Variants in ADHFE1 observed in about 807,000 individuals in gnomAD.
ADHFE1 encodes alcohol dehydrogenase iron containing 1.
ADHFE1 carries 37 observed loss-of-function variants against 54.8 expected under a neutral mutation model. The ratio of observed to expected loss-of-function variants is 0.68; its 90% confidence interval spans 0.52 to 0.89. The LOEUF is 0.89. ADHFE1 is among the 40% of genes least tolerant of loss of function. ADHFE1 has a pLI of 0.00. For synonymous variants in ADHFE1, 203 were observed against 229.3 expected, an observed-to-expected ratio of 0.89 and a Z score of 1.04; for missense variants, 601 against 591.2, an observed-to-expected ratio of 1.02 and a Z score of -0.17.
intron 13 of ADHFE1, among the ~76,000 whole-genome samples, chr8:66,466,042 T>A (rs1046182748): frequency 3.2e-5 from 1 of 31,016 alleles, no homozygotes; most frequent in Non-Finnish European, 5.3e-5. Context: ...GTTTATCTGT[T>A]TTTTTTTTTC....
At chr8:66,438,825 A>T (rs1051336241) in intron 1 of ADHFE1, among the ~76,000 whole-genome samples, 1 of 151,540 alleles carries the variant, frequency 6.6e-6, no homozygotes, top group Non-Finnish European at 1.5e-5. Flanking sequence ...CACAAGTAAG[A>T]AGTAGAAATA....
At position 66,445,412 on chromosome 8, in the gene ADHFE1, C is replaced by G; in HGVS notation, c.548C>G (p.Ala183Gly). 3.1e-6 allele frequency: 5 copies of G among 1,596,612 alleles called. No homozygotes were observed. Among genetic ancestry groups the G allele is most frequent in the Non-Finnish European group, 4.3e-6 (5 of 1,174,800 alleles). ...PVSVPLKPLI[A>G]VPTTSGTGSE... ...TCTGTGCCTCTTAAGCCTCTGATTG[C>G]AGGTAAAGACTGTTTATTTCTTTGT... Residue 183 changes from alanine to glycine, a missense_variant and splice_region_variant, in exon 6 of 14, where the codon GCA (alanine) becomes GGA (glycine). Coordinates refer to ENST00000396623, the MANE Select transcript of ADHFE1 (RefSeq NM_144650.3).
intron 13 of ADHFE1, among the ~76,000 whole-genome samples, chr8:66,464,607 T>A (rs1429603373): frequency 6.6e-6 from 1 of 152,188 alleles, no homozygotes; most frequent in Non-Finnish European, 1.5e-5. Flanking sequence ...AACTTTGTCT[T>A]TACCTCACCC....
intron 7 of ADHFE1, 87 bp from the exon 8 acceptor site, chr8:66,448,778 T>G: frequency 8.6e-7 from 1 of 1,160,298 alleles, no homozygotes; most frequent in South Asian, 1.3e-5. Flanking sequence ...ATTTTTATTT[T>G]TAGGGTGATT....
chr8:66,460,002 A>G (rs549526341), intron 12 of ADHFE1: 54 of 310,286 alleles, frequency 1.7e-4, no homozygotes, highest in African/African-American at 1.1e-3. Context: ...TCAAATATTC[A>G]TTCCTCCATC....
chr8:66,439,593 G>A lies in ADHFE1; in HGVS notation c.60-569G>A. The A allele has an allele frequency of 1.0e-6, 1 of 986,056 alleles. No homozygotes were observed. The highest frequency in any genetic ancestry group is 1.2e-6 in the Non-Finnish European group (1 of 830,416). 61.1% of individuals were successfully genotyped at this position (986,056 alleles called of 1,614,324 possible). On this transcript the variant is annotated intron_variant, in intron 1 of 13. Transcript: ENST00000396623. This position sits in a 1 kb window ranked among gnomAD's most constrained non-coding sequence, Gnocchi z 4.4. ...AGCGGCGCGGCGGGGACGGAGGAGA[G>A]CTCGGAGCCCGGGGCTGCAACTGGG... is the stretch of plus-strand genomic sequence containing the variant.
At chr8:66,445,157 T>C (rs1191167702) in intron 5 of ADHFE1, 61 bp from the exon 6 acceptor site, 2 of 1,461,842 alleles carry the variant, frequency 1.4e-6, no homozygotes, top group East Asian at 2.3e-5. Context: ...CCTTAGTTAA[T>C]GGCATGGCAA....
chr8:66,468,482 T>G lies in ADHFE1; in HGVS notation c.*130T>G. 1.6e-6 allele frequency: 1 copy of G among 634,688 alleles called. No individual in the cohort carries two copies. The highest frequency in any genetic ancestry group is 2.5e-6 in the Non-Finnish European group (1 of 402,586). 39.3% of individuals were successfully genotyped at this position (634,688 alleles called of 1,614,324 possible). On this transcript the variant is annotated 3_prime_UTR_variant, in exon 14 of 14. Transcript: ENST00000396623. Reference sequence around the variant, plus strand: ...TTACCAGTATAGGTGGGATATACATTTATCTTGCAGGAAATTCCCCAAAGC... The same window carrying G: ...TTACCAGTATAGGTGGGATATACATGTATCTTGCAGGAAATTCCCCAAAGC...
At chr8:66,466,058 T>TC (rs1807163200) in intron 13 of ADHFE1, among the ~76,000 whole-genome samples, 3 of 151,262 alleles carry the variant, frequency 2.0e-5, no homozygotes, top group African/African-American at 7.3e-5. Context: ...TTTTCTTTTT[T>TC]CCCTGTGCTT....
intron 13 of ADHFE1, among the ~76,000 whole-genome samples, chr8:66,460,929 T>C (rs1318751539): frequency 1.3e-5 from 2 of 152,202 alleles, no homozygotes; most frequent in South Asian, 2.1e-4. Context: ...TATCACCAAA[T>C]TGCTTTCGAT....
At chr8:66,446,384 A>T (rs1009332937) in intron 6 of ADHFE1, among the ~76,000 whole-genome samples, 2 of 152,240 alleles carry the variant, frequency 1.3e-5, no homozygotes, top group Non-Finnish European at 2.9e-5. Flanking sequence ...AGAGACAGCA[A>T]ATATGAGTTT....
chr8:66,440,529 CT>C (rs1337803478), intron 2 of ADHFE1, among the ~76,000 whole-genome samples: 1 of 152,152 alleles, frequency 6.6e-6, no homozygotes, highest in East Asian at 1.9e-4. Flanking sequence ...AAGATGAAGT[CT>C]TTGGAAGGTT....
intron 13 of ADHFE1, among the ~76,000 whole-genome samples, chr8:66,461,350 T>C (rs764957149): frequency 1.3e-5 from 2 of 152,128 alleles, no homozygotes; most frequent in Non-Finnish European, 2.9e-5. Context: ...TCCCTGACCA[T>C]GGAACAGAGT....
chr8:66,462,680 C>A (rs1350688075), intron 13 of ADHFE1, among the ~76,000 whole-genome samples: 2 of 152,180 alleles, frequency 1.3e-5, no homozygotes, highest in Admixed American at 1.3e-4. Flanking sequence ...ATGTGTGGGT[C>A]CATCTCTAAG....
At position 66,451,988 on chromosome 8, in the gene ADHFE1, ACCTGCGGAGC is replaced by A. The variant is rs780549396; in HGVS notation, c.773_782del (p.Leu258ProfsTer34). 8 of 1,614,002 alleles carry A rather than the reference ACCTGCGGAGC, an allele frequency of 5.0e-6. No homozygotes were observed. Among genetic ancestry groups the A allele is most frequent in the Non-Finnish European group, 6.8e-6 (8 of 1,180,032 alleles). ...GAGTCATACACCACCCTGCCCTACC[ACCTGCGGAGC>A]CCCTGCCCTTCAAATCCCATCACAC... is the stretch of plus-strand genomic sequence containing the variant. On this transcript the variant is annotated frameshift_variant, in exon 9 of 14. Coordinates refer to ENST00000396623, the MANE Select transcript of ADHFE1 (RefSeq NM_144650.3). LOFTEE classifies it high-confidence loss of function.
intron 1 of ADHFE1, among the ~76,000 whole-genome samples, chr8:66,435,773 A>G (rs1381312202): frequency 1.3e-5 from 2 of 151,364 alleles, no homozygotes; most frequent in East Asian, 3.9e-4. Context: ...CATCATGCGC[A>G]GCTGATTTTA....
intron 10 of ADHFE1, 51 bp downstream of exon 10, chr8:66,454,208 A>T (rs780645812): frequency 1.5e-5 from 23 of 1,577,968 alleles, no homozygotes; most frequent in East Asian, 4.5e-5. Flanking sequence ...GCTTTAAAAA[A>T]TTTTTAATGT....
chr8:66,442,681 T>C (rs1403009801), intron 2 of ADHFE1, 117 bp from the exon 3 acceptor site: 8 of 895,716 alleles, frequency 8.9e-6, no homozygotes, highest in Non-Finnish European at 1.2e-5. Flanking sequence ...CTGGAAAAAA[T>C]ATATTTTTGG....
At chr8:66,453,048 G>A (rs1806384244) in intron 9 of ADHFE1, among the ~76,000 whole-genome samples, 1 of 152,220 alleles carries the variant, frequency 6.6e-6, no homozygotes, top group Non-Finnish European at 1.5e-5. Context: ...TACTATTTCA[G>A]GTTTGTGGGG....
Sources: gnomAD v4.1 joint callset for allele counts (sites outside exome capture counted in the v4.1 genomes callset) on GRCh38, gnomAD v4.1.1 for gene constraint, Gnocchi (gnomAD v3.1) non-coding constraint, MANE v1.5 for transcripts, NCBI Gene and HGNC (gene_info 2026-07-23, HGNC 2026-07-21) for gene names.